The following BCL11A variants were observed in gnomAD, a reference collection of about 807,000 sequenced individuals.
BCL11A encodes the protein BCL11 transcription factor A.
In BCL11A, 2 loss-of-function variants were observed where a neutral mutation model predicts 55.9. The observed-to-expected ratio is 0.04, with a 90% CI of 0.01 to 0.11. The LOEUF is 0.11. BCL11A is among the 10% of genes least tolerant of loss of function. The probability of loss-of-function intolerance (pLI) is 1.00; values close to 1 mark genes in which losing one functional copy is unlikely to be tolerated. For synonymous variants in BCL11A, 465 were observed against 473.4 expected (o/e 0.98, Z 0.23); for missense variants, 817 against 1,137.1 (o/e 0.72, Z 4.05).
chr2:60,473,244 T>G (rs1224613266), intron 2 of BCL11A, among the ~76,000 whole-genome samples: 9 of 151,806 alleles, frequency 5.9e-5, no homozygotes, highest in South Asian at 4.1e-4. Flanking sequence ...TTCCCTGTTT[T>G]TTTTTTTTTT....
At chr2:60,456,663 C>G (rs1034803113), downstream of BCL11A, among the ~76,000 whole-genome samples, 1 of 152,074 alleles carries the variant, frequency 6.6e-6, no homozygotes, top group Non-Finnish European at 1.5e-5. Context: ...AAAACAAAAC[C>G]TGATGCCTTT....
intron 1 of BCL11A, among the ~76,000 whole-genome samples, chr2:60,552,127 G>T (rs1290122559): frequency 2.0e-5 from 3 of 151,554 alleles, no homozygotes; most frequent in African/African-American, 7.3e-5. Flanking sequence ...GAGAGATTGT[G>T]AGATTTTTGC....
At position 60,461,400 on chromosome 2, in the gene BCL11A, C is replaced by T; in HGVS notation, c.1512G>A (p.Glu504=). Residue 504 remains glutamate (E), a synonymous_variant, in exon 4 of 4, where the codon GAG becomes GAA. Transcript: ENST00000642384. The part of the protein sequence containing the change: ...EEEEEEEEEE[E]LTESERVDYG... ...AGTCCACCCTCTCGCTCTCCGTCAG[C>T]TCCTCCTCCTCCTCTTCCTCCTCTT... The T allele has an allele frequency of 6.2e-7, 1 of 1,602,608 alleles. No individual in the cohort carries two copies.
intron 2 of BCL11A, among the ~76,000 whole-genome samples, chr2:60,528,754 G>C (rs1158425606): frequency 6.6e-6 from 1 of 152,234 alleles, no homozygotes; most frequent in African/African-American, 2.4e-5. Flanking sequence ...GCTAATGGGA[G>C]TGTTTCCTTT....
chr2:60,451,168 A>T (rs964919923), exon 5 of BCL11A: 2 of 193,622 alleles, frequency 1.0e-5, no homozygotes, highest in Non-Finnish European at 2.2e-5. Context: ...TCACTACTGT[A>T]GACAGTCATT....
intron 2 of BCL11A, 45 bp downstream of exon 2, chr2:60,545,926 G>T: frequency 6.4e-7 from 1 of 1,558,538 alleles, no homozygotes; most frequent in South Asian, 1.2e-5. Context: ...CTCTGAAAAT[G>T]AAAAGAAAAC....
At chr2:60,474,947 T>G (rs1677437754) in intron 2 of BCL11A, among the ~76,000 whole-genome samples, 1 of 152,300 alleles carries the variant, frequency 6.6e-6, no homozygotes, top group African/African-American at 2.4e-5. Flanking sequence ...GATGAGCTGC[T>G]ATGGAAATTC....
At chr2:60,536,387 T>C (rs1274845851) in intron 2 of BCL11A, 1 of 152,136 alleles carries the variant, frequency 6.6e-6, no homozygotes. Context: ...CTCAGAAATG[T>C]GCCACATTTT....
At chr2:60,465,785 C>G (rs534959212) in intron 3 of BCL11A, among the ~76,000 whole-genome samples, 2 of 152,140 alleles carry the variant, frequency 1.3e-5, no homozygotes, top group Non-Finnish European at 2.9e-5. Context: ...ACTATCAGGT[C>G]GAATGTGAAT....
intron 2 of BCL11A, chr2:60,538,183 A>G (rs1315955098): frequency 6.6e-6 from 1 of 152,200 alleles, no homozygotes; most frequent in African/African-American, 2.4e-5. Flanking sequence ...TCTCACCTTT[A>G]GGTATATATA....
rs1216548940 is a variant in BCL11A, at chr2:60,459,653, C to T, written c.*751G>A. Reference sequence around the variant, plus strand: ...GTTTATAACAAGTAGAAAGAACCATCGATGTGGTTTTAATAGATCCAAGGC... The same window carrying T: ...GTTTATAACAAGTAGAAAGAACCATTGATGTGGTTTTAATAGATCCAAGGC... On this transcript the variant is annotated 3_prime_UTR_variant, in exon 4 of 4. Transcript: ENST00000642384. 3 of 1,032,104 alleles carry T rather than the reference C, an allele frequency of 2.9e-6. No individual in the cohort carries two copies. The highest frequency in any genetic ancestry group is 3.5e-6 in the Non-Finnish European group (3 of 857,984). 63.9% of individuals were successfully genotyped at this position (1,032,104 alleles called of 1,614,324 possible).
chr2:60,550,528 G>T (rs1670362490), intron 1 of BCL11A, among the ~76,000 whole-genome samples: 1 of 149,950 alleles, frequency 6.7e-6, no homozygotes, highest in East Asian at 2.0e-4. Flanking sequence ...CCTAGCGACC[G>T]AATGGCTCAT....
chr2:60,526,590 C>A (rs992508121), intron 2 of BCL11A: 1 of 152,154 alleles, frequency 6.6e-6, no homozygotes, highest in Admixed American at 6.5e-5. Context: ...TAATCTGCAG[C>A]GCATTTAGAT....
At chr2:60,488,538 T>A (rs1272126982) in intron 2 of BCL11A, among the ~76,000 whole-genome samples, 1 of 152,228 alleles carries the variant, frequency 6.6e-6, no homozygotes, top group Non-Finnish European at 1.5e-5. Context: ...CAGTGCTACT[T>A]ATACAATTCA....
intron 2 of BCL11A, chr2:60,537,286 A>C (rs1669711828): frequency 6.6e-6 from 1 of 152,244 alleles, no homozygotes; most frequent in South Asian, 2.1e-4. Context: ...GTAAAGGAAT[A>C]ATTTTTTTAA....
At chr2:60,456,426 C>T (rs958863220), downstream of BCL11A, among the ~76,000 whole-genome samples, 3 of 152,170 alleles carry the variant, frequency 2.0e-5, no homozygotes, top group Admixed American at 1.3e-4. Flanking sequence ...TATTCCCGCC[C>T]TTATTTGCTG....
At chr2:60,528,832 G>A (rs372630956) in intron 2 of BCL11A, among the ~76,000 whole-genome samples, 1 of 152,230 alleles carries the variant, frequency 6.6e-6, no homozygotes, top group African/African-American at 2.4e-5. Context: ...AGCAATTCTG[G>A]AGGTGCAGCC....
intron 2 of BCL11A, chr2:60,545,154 C>T (rs1481416844): frequency 6.6e-6 from 1 of 152,250 alleles, no homozygotes; most frequent in Non-Finnish European, 1.5e-5. Flanking sequence ...CTGTCAAAAC[C>T]ACATCAGAGA....
chr2:60,516,871 G>T (rs1216113216), intron 2 of BCL11A, among the ~76,000 whole-genome samples: 2 of 152,228 alleles, frequency 1.3e-5, no homozygotes, highest in East Asian at 1.9e-4. Context: ...TAATGTTTGA[G>T]TAAAAGAGCT....
Sources: gnomAD v4.1 joint callset for allele counts (sites outside exome capture counted in the v4.1 genomes callset) on GRCh38, gnomAD v4.1.1 for gene constraint, MANE v1.5 for transcripts, NCBI Gene and HGNC (gene_info 2026-07-23, HGNC 2026-07-21) for gene names.